The following DOCK6 variants were observed in gnomAD, a reference collection of about 807,000 sequenced individuals.
DOCK6 encodes the protein dedicator of cytokinesis 6, also known as dedicator of cytokinesis protein 6.
In DOCK6, 167 loss-of-function variants were observed where a neutral mutation model predicts 230.3. The observed-to-expected ratio is 0.73, with a 90% CI of 0.64 to 0.82. DOCK6 has a LOEUF of 0.82. Ranked by LOEUF, DOCK6 falls within the 40% of genes least tolerant of loss-of-function variation. DOCK6 has a pLI of 0.00. For missense variants in DOCK6, 2,598 were observed against 2,825.8 expected (o/e 0.92, Z 1.83); for synonymous variants, 1,148 against 1,185.0 (o/e 0.97, Z 0.64).
intron 1 of DOCK6, among the ~76,000 whole-genome samples, chr19:11,257,714 G>A (rs1392911858): frequency 1.3e-5 from 2 of 151,908 alleles, no homozygotes; most frequent in African/African-American, 2.4e-5. Flanking sequence ...ACTTGAACCC[G>A]GGAGGTGGAG....
At chr19:11,199,873 G>T (rs60708544) in intron 47 of DOCK6, among the ~76,000 whole-genome samples, 1 of 152,214 alleles carries the variant, frequency 6.6e-6, no homozygotes, top group African/African-American at 2.4e-5. Flanking sequence ...GCAGCCAGGC[G>T]TGGTGGTGGC....
chr19:11,210,292 A>C (rs2079356100), intron 37 of DOCK6, among the ~76,000 whole-genome samples: 1 of 122,856 alleles, frequency 8.1e-6, no homozygotes, highest in East Asian at 2.5e-4. Context: ...CTGTCTCTTC[A>C]CCTGTCCACC....
In DOCK6 at chr19:11,233,119, A is replaced by G. The variant is rs17699089; in HGVS notation, c.2718+84T>C. 0.12 allele frequency: 181,850 copies of G among 1,514,262 alleles called. 12,654 individuals carry two copies. The highest frequency in any genetic ancestry group is 0.26 in the East Asian group (10,929 of 41,828). 93.8% of individuals were successfully genotyped at this position (1,514,262 alleles called of 1,614,324 possible). A position where few individuals can be genotyped will look rare whatever the true frequency, so the allele number is the denominator to read the frequency against. On this transcript the variant is annotated intron_variant, in intron 22 of 47. Coordinates refer to ENST00000294618, the MANE Select transcript of DOCK6 (RefSeq NM_020812.4). ...CACGTTGTCGTCTCTGTTGTTTCCC[A>G]TGCTTCATCAACAGATTCTTCGCCC... is the stretch of plus-strand genomic sequence containing the variant.
At position 11,248,160 on chromosome 19, in the gene DOCK6, AGTGGGGG is replaced by A; in HGVS notation, c.721-16_721-10del. 8.9e-7 allele frequency: 1 copy of A among 1,118,764 alleles called. No individual in the cohort carries two copies. Among genetic ancestry groups the A allele is most frequent in the Non-Finnish European group, 1.3e-6 (1 of 777,214 alleles). 69.3% of individuals were successfully genotyped at this position (1,118,764 alleles called of 1,614,324 possible). A position where few individuals can be genotyped will look rare whatever the true frequency, so the allele number is the denominator to read the frequency against. ...CGTTCCACGGCTTCATCCTGCCAAG[AGTGGGGG>A]GTGGGAGCTGGGCGGGAGGAGCTGG... On this transcript the variant is annotated splice_polypyrimidine_tract_variant and intron_variant, in intron 6 of 47. Coordinates refer to ENST00000294618, the MANE Select transcript of DOCK6 (RefSeq NM_020812.4).
Position 11,249,135 on chromosome 19 carries a change from T to C in DOCK6, c.721-984A>G, listed in dbSNP as rs535063733. Among the ~76,000 whole-genome samples the C allele has an allele frequency of 3.9e-5, 6 of 152,310 alleles. No individual in the cohort carries two copies. The South Asian group carries it at 1.0e-3, about 26-fold the overall frequency. The stretch of plus-strand genomic sequence containing the variant: ...TATTGGTTGATTAAATAGAGAACTA[T>C]ACAGTAGGCATTCATGTATTGAATA... On this transcript the variant is annotated intron_variant, in intron 6 of 47. Coordinates refer to ENST00000294618, the MANE Select transcript of DOCK6 (RefSeq NM_020812.4).
intron 1 of DOCK6, among the ~76,000 whole-genome samples, chr19:11,256,663 T>C (rs912502946): frequency 1.3e-5 from 2 of 152,184 alleles, no homozygotes; most frequent in Non-Finnish European, 2.9e-5. Context: ...TTTTTTGTTT[T>C]CGTTTTTTAA....
intron 32 of DOCK6, 96 bp from the exon 33 acceptor site, chr19:11,214,745 G>C: frequency 9.4e-7 from 1 of 1,066,996 alleles, no homozygotes. Flanking sequence ...GGGGGCACTG[G>C]CTCCCTGGAA....
At chr19:11,246,003 A>T in intron 7 of DOCK6, 125 bp from the exon 8 acceptor site, 1 of 1,059,846 alleles carries the variant, frequency 9.4e-7, no homozygotes, top group South Asian at 1.5e-5. Flanking sequence ...ACCGCCACTT[A>T]AGGGCTTGCA....
intron 24 of DOCK6, 141 bp downstream of exon 24, chr19:11,227,196 C>T: frequency 8.5e-7 from 1 of 1,178,146 alleles, no homozygotes; most frequent in South Asian, 1.5e-5. Context: ...AAGAAACAGA[C>T]AATGAATGAA....
At chr19:11,231,078 G>A (rs895108771) in intron 22 of DOCK6, among the ~76,000 whole-genome samples, 2 of 152,152 alleles carry the variant, frequency 1.3e-5, no homozygotes, top group Non-Finnish European at 2.9e-5. Flanking sequence ...CCAAGGAAAT[G>A]ACTGCCCAAA....
chr19:11,206,927 C>G (rs2147717789), intron 39 of DOCK6, among the ~76,000 whole-genome samples: 1 of 151,964 alleles, frequency 6.6e-6, no homozygotes, highest in East Asian at 1.9e-4. Flanking sequence ...TCACTGCAAC[C>G]TCCGCCTCCC....
Position 11,237,448 on chromosome 19 carries a change from G to A in DOCK6, c.2073+8C>T. The A allele has an allele frequency of 1.2e-6, 2 of 1,613,504 alleles. No individual in the cohort carries two copies. Among genetic ancestry groups the A allele is most frequent in the Non-Finnish European group, 1.7e-6 (2 of 1,179,842 alleles). Reference sequence around the variant, plus strand: ...TGCATTGGCAGGCAGGAGCTCCAGGGCACATACATCGGGTGTGAGCACGGA... The same window carrying A: ...TGCATTGGCAGGCAGGAGCTCCAGGACACATACATCGGGTGTGAGCACGGA... On this transcript the variant is annotated splice_region_variant and intron_variant, in intron 18 of 47. Transcript: ENST00000294618.
At chr19:11,232,285 A>G (rs1395803135) in intron 22 of DOCK6, 1 of 1,289,476 alleles carries the variant, frequency 7.8e-7, no homozygotes, top group African/African-American at 1.5e-5. Context: ...TGAGCGATCG[A>G]TGCCCTGGAG....
intron 14 of DOCK6, chr19:11,241,664 C>A: frequency 6.3e-7 from 1 of 1,581,178 alleles, no homozygotes. Context: ...CCCCAGACTC[C>A]ACACAGCGGC....
Position 11,200,505 on chromosome 19 carries a change from G to T in DOCK6, c.5940-36C>A. 6.3e-7 allele frequency: 1 copy of T among 1,597,526 alleles called. No individual in the cohort carries two copies. Among genetic ancestry groups the T allele is most frequent in the Non-Finnish European group, 8.5e-7 (1 of 1,172,298 alleles). On this transcript the variant is annotated intron_variant, in intron 46 of 47. Coordinates refer to ENST00000294618, the MANE Select transcript of DOCK6 (RefSeq NM_020812.4). This position sits in a 1 kb window ranked among gnomAD's most constrained non-coding sequence, Gnocchi z 4.3. The stretch of plus-strand genomic sequence containing the variant: ...GAGGGTGGGAGATGCTCAGAGACTC[G>T]CACACGGGACTGAAAGCAAGACTAG...
chr19:11,235,768 C>T lies in DOCK6; in HGVS notation c.2393-9G>A, dbSNP rs1227639180. The T allele has an allele frequency of 1.3e-6, 2 of 1,581,042 alleles. No individual in the cohort carries two copies. Among genetic ancestry groups the T allele is most frequent in the Admixed American group, 3.6e-5 (2 of 56,216 alleles). Reference sequence around the variant, plus strand: ...TCCACGGCCCAGGTTCACTGCAGGGCAGAGCAGAGGTCAAGTTCCAGGGCC... The same window carrying T: ...TCCACGGCCCAGGTTCACTGCAGGGTAGAGCAGAGGTCAAGTTCCAGGGCC... On this transcript the variant is annotated splice_polypyrimidine_tract_variant and intron_variant, in intron 20 of 47. Transcript: ENST00000294618.
At chr19:11,235,977 T>A (rs2079840983) in intron 20 of DOCK6, 1 of 548,296 alleles carries the variant, frequency 1.8e-6, no homozygotes, top group African/African-American at 1.9e-5. Flanking sequence ...GCCTCCCAGG[T>A]TCAAGCAATT....
At chr19:11,240,194 G>A in intron 14 of DOCK6, 1 of 1,556,434 alleles carries the variant, frequency 6.4e-7, no homozygotes, top group African/African-American at 1.4e-5. Context: ...TGGGGGAGGT[G>A]GCCCAGGCAC....
chr19:11,223,167 C>G, intron 24 of DOCK6, 61 bp from the exon 25 acceptor site: 2 of 1,492,780 alleles, frequency 1.3e-6, no homozygotes, highest in South Asian at 1.2e-5. Context: ...AGGGGCTTGG[C>G]TCTCACCAAG....
Sources: allele counts gnomAD v4.1 joint callset (sites outside exome capture counted in the v4.1 genomes callset), GRCh38; gene constraint gnomAD v4.1.1; non-coding constraint Gnocchi (gnomAD v3.1); transcripts MANE v1.5; gene names NCBI Gene and HGNC (gene_info 2026-07-23, HGNC 2026-07-21).